ZNF718: variants seen among roughly 807,000 people sequenced by gnomAD.
ZNF718 encodes the protein zinc finger protein 718.
A neutral mutation model predicts 2.6 loss-of-function variants in ZNF718; 3 were observed. That is an observed-to-expected ratio of 1.16 (90% CI 0.53 to 3.01). ZNF718 has a LOEUF of 3.01. Ranked by LOEUF, ZNF718 falls within the 30% of genes most tolerant of loss-of-function variation. ZNF718 has a pLI of 0.03. For synonymous variants in ZNF718, 135 were observed against 77.9 expected (o/e 1.73, Z -3.86); for missense variants, 468 against 230.0 (o/e 2.03, Z -6.69).
intron 1 of ZNF718, among the ~76,000 whole-genome samples, chr4:126,251 A>G (rs1446166313): frequency 6.6e-6 from 1 of 152,240 alleles, no homozygotes. Flanking sequence ...AGCAAATACA[A>G]ATTAGAAGAG....
chr4:149,084 T>C (rs1446634690), intron 3 of ZNF718, among the ~76,000 whole-genome samples: 1 of 152,182 alleles, frequency 6.6e-6, no homozygotes, highest in Non-Finnish European at 1.5e-5. Flanking sequence ...AACTAGAAGT[T>C]GTGGGTAGAG....
rs546838458 is a variant in ZNF718 at position 192,557 on chromosome 4, A to C, written c.227-8524A>C. Reference sequence around the variant, plus strand: ...GTCCTGTCTCTCAGTCCCCCCTCTCAACAGGAAAACCCAAGTGCTGTTGGT... The same window carrying C: ...GTCCTGTCTCTCAGTCCCCCCTCTCCACAGGAAAACCCAAGTGCTGTTGGT... On this transcript the variant is annotated intron_variant and NMD_transcript_variant, in intron 3 of 4. Transcript: ENST00000642529. 1.7e-3 allele frequency among the ~76,000 whole-genome samples: 255 copies of C among 152,134 alleles called. 1 individual carries two copies. The highest frequency in any genetic ancestry group is 2.9e-3 in the Non-Finnish European group (195 of 68,018).
Position 161,743 on chromosome 4 carries a change from C to G in ZNF718, c.1058C>G (p.Thr353Ser), listed in dbSNP as rs986193116. The G allele has an allele frequency of 1.0e-5, 8 of 778,456 alleles. No individual in the cohort carries two copies. The African/African-American group carries it at 1.2e-4, about 12-fold the overall frequency. The allele number at this position is 778,456 out of a possible 1,614,324, so 48.2% of individuals were successfully genotyped here. A position where few individuals can be genotyped will look rare whatever the true frequency, so the allele number is the denominator to read the frequency against. The change falls in exon 4 of 4, where the codon ACT (threonine) becomes AGT (serine). Residue 353 changes from threonine (T) to serine (S), a missense_variant. Physicochemically the swap from Thr to Ser is moderately conservative, Grantham distance 58. Coordinates refer to ENST00000510175, the MANE Select transcript of ZNF718 (RefSeq NM_001039127.6). ...GGAAAATCCTTTAATAGGTCCACAA[C>G]TCTTACGACACATAAGAGAATCCAT... ...ECGKSFNRST[T>S]LTTHKRIHTG...
chr4:129,426 C>T lies in ZNF718; in HGVS notation c.4-1362C>T, dbSNP rs1406935964. 5.8e-5 allele frequency among the ~76,000 whole-genome samples: 6 copies of T among 103,924 alleles called. 1 individual carries two copies. Among genetic ancestry groups the T allele is most frequent in the African/African-American group, 2.0e-4 (6 of 30,004 alleles). 68.2% of individuals were successfully genotyped at this position (103,924 alleles called of 152,430 possible). A position where few individuals can be genotyped will look rare whatever the true frequency, so the allele number is the denominator to read the frequency against. On this transcript the variant is annotated intron_variant, in intron 1 of 3. Coordinates refer to ENST00000510175, the MANE Select transcript of ZNF718 (RefSeq NM_001039127.6). The stretch of plus-strand genomic sequence containing the variant: ...CTGCTGAACCTTGTCCAGGTCTTAC[C>T]CCACACTGAAATCTCTCACAGAACT...
rs782358109 is a variant in ZNF718, at chr4:161,162, C to G, written c.477C>G (p.Asn159Lys). The change falls in exon 4 of 4, where the codon AAC (asparagine) becomes AAG (lysine). Residue 159 changes from asparagine to lysine, a missense_variant. By Grantham distance (94) the Asn-to-Lys change is moderately conservative. Transcript: ENST00000510175. ...VKVFHKFSNS[N>K]KDKIRYTGDK... The stretch of plus-strand genomic sequence containing the variant: ...TTTTTCATAAATTTTCAAATTCAAA[C>G]AAAGATAAGATAAGATATACTGGAG... 1.8e-5 allele frequency: 14 copies of G among 761,744 alleles called. No individual in the cohort carries two copies. Among genetic ancestry groups the G allele is most frequent in the Middle Eastern group, 2.3e-4 (1 of 4,408 alleles). 47.2% of individuals were successfully genotyped at this position (761,744 alleles called of 1,614,324 possible). A position where few individuals can be genotyped will look rare whatever the true frequency, so the allele number is the denominator to read the frequency against.
intron 3 of ZNF718, among the ~76,000 whole-genome samples, chr4:133,193 AAAATATATATATATATATAT>A (rs1435249167): frequency 0.014 from 286 of 20,402 alleles, 88 homozygotes; most frequent in African/African-American, 0.061. Flanking sequence ...AAAAAAAAAA[AAAATATATATATATATATAT>A]ATATATATAT....
chr4:137,863 C>G (rs780153350), intron 3 of ZNF718, among the ~76,000 whole-genome samples: 1 of 152,042 alleles, frequency 6.6e-6, no homozygotes, highest in African/African-American at 2.4e-5. Flanking sequence ...GTAGTTGATG[C>G]TATATGCAAG....
chr4:146,843 T>G (rs1204391840), intron 3 of ZNF718, among the ~76,000 whole-genome samples: 1 of 152,074 alleles, frequency 6.6e-6, no homozygotes, highest in Non-Finnish European at 1.5e-5. Context: ...CTATTTTTAC[T>G]TTGACTCCAG....
At chr4:171,810 GC>G (rs1370538933) in intron 3 of ZNF718, among the ~76,000 whole-genome samples, 2 of 152,160 alleles carry the variant, frequency 1.3e-5, no homozygotes, top group African/African-American at 4.8e-5. Flanking sequence ...GCAATGCCTC[GC>G]CCTGCTTCAG....
At chr4:157,368 C>T (rs1716621530) in intron 3 of ZNF718, among the ~76,000 whole-genome samples, 1 of 152,068 alleles carries the variant, frequency 6.6e-6, no homozygotes, top group South Asian at 2.1e-4. Flanking sequence ...CCCACCTCGG[C>T]CTCTCAAAGT....
intron 3 of ZNF718, among the ~76,000 whole-genome samples, chr4:197,712 G>A (rs1717820118): frequency 6.6e-6 from 1 of 152,196 alleles, no homozygotes; most frequent in South Asian, 2.1e-4. Flanking sequence ...GGGCAGAACT[G>A]CACTCTAAAT....
chr4:192,555 T>G (rs1717713691), intron 3 of ZNF718, among the ~76,000 whole-genome samples: 1 of 152,032 alleles, frequency 6.6e-6, no homozygotes, highest in South Asian at 2.1e-4. Context: ...GTCCCCCCTC[T>G]CAACAGGAAA....
intron 3 of ZNF718, among the ~76,000 whole-genome samples, chr4:181,867 C>CA (rs374706948): frequency 6.6e-6 from 1 of 152,076 alleles, no homozygotes; most frequent in African/African-American, 2.4e-5. Context: ...CCCATGTGTA[C>CA]ATGTGTTCTC....
intron 3 of ZNF718, among the ~76,000 whole-genome samples, chr4:143,466 G>A (rs945059342): frequency 6.6e-5 from 10 of 152,182 alleles, no homozygotes; most frequent in Admixed American, 2.0e-4. Context: ...GATTACAGGC[G>A]TGAGCCAGTG....
intron 3 of ZNF718, among the ~76,000 whole-genome samples, chr4:146,759 AC>A (rs370219194): frequency 5.4e-5 from 8 of 148,462 alleles, no homozygotes; most frequent in African/African-American, 1.7e-4. Context: ...CAAATGACTT[AC>A]GTTTGCTGGG....
intron 3 of ZNF718, among the ~76,000 whole-genome samples, chr4:189,952 A>G (rs1717659742): frequency 6.6e-6 from 1 of 152,188 alleles, no homozygotes; most frequent in Non-Finnish European, 1.5e-5. Context: ...GTGAAAAACT[A>G]TTACTTGGTC....
At chr4:167,025 G>A (rs756033364), downstream of ZNF718, among the ~76,000 whole-genome samples, 1 of 152,082 alleles carries the variant, frequency 6.6e-6, no homozygotes, top group East Asian at 1.9e-4. Flanking sequence ...ATTAATTTTT[G>A]TATAAGGTGT....
intron 1 of ZNF718, among the ~76,000 whole-genome samples, chr4:125,483 T>TA (rs1715165620): frequency 6.6e-6 from 1 of 152,174 alleles, no homozygotes; most frequent in Admixed American, 6.5e-5. Flanking sequence ...AGTGAGTTGC[T>TA]GGACACCCCG....
intron 3 of ZNF718, among the ~76,000 whole-genome samples, chr4:153,804 A>G (rs1223500663): frequency 2.0e-5 from 3 of 152,210 alleles, no homozygotes; most frequent in Non-Finnish European, 4.4e-5. Flanking sequence ...AGAAATCTAT[A>G]TACTGACAAA....
Sources: gnomAD v4.1 joint callset for allele counts (sites outside exome capture counted in the v4.1 genomes callset) on GRCh38, gnomAD v4.1.1 for gene constraint, MANE v1.5 for transcripts, NCBI Gene and HGNC (gene_info 2026-07-23, HGNC 2026-07-21) for gene names.